The following CDH12 variants were observed in gnomAD, a reference collection of about 807,000 sequenced individuals.
The protein encoded by CDH12 is cadherin-12.
Under a neutral mutation model 74.1 loss-of-function variants are expected in CDH12, and 41 were observed. The ratio of observed to expected loss-of-function variants is 0.55; its 90% CI spans 0.43 to 0.72. The LOEUF (loss-of-function observed/expected upper bound fraction) is 0.72. Among genes scored for constraint, CDH12 ranks in the 30% least tolerant of loss-of-function variants. The pLI, the probability that CDH12 is intolerant of heterozygous loss-of-function variation, is 0.00. For synonymous variants in CDH12, 399 were observed against 355.0 expected (o/e 1.12, Z -1.39); for missense variants, 945 against 977.2 (o/e 0.97, Z 0.44).
Position 22,313,883 on chromosome 5 carries a change from G to A in CDH12, c.-333+91374C>T, listed in dbSNP as rs570606135. ...TAGGTACAATGCACACCACTCCAGTGACAGGTACACTATAATCTCAGATTT... is the reference window on the plus strand; with the variant it reads ...TAGGTACAATGCACACCACTCCAGTAACAGGTACACTATAATCTCAGATTT... On this transcript the variant is annotated intron_variant, in intron 3 of 14. Coordinates refer to ENST00000382254, the MANE Select transcript of CDH12 (RefSeq NM_004061.5). 5.6e-4 allele frequency among the ~76,000 whole-genome samples: 85 copies of A among 152,164 alleles called. 2 individuals are homozygous for A. Among genetic ancestry groups the A allele is most frequent in the African/African-American group, 1.9e-3 (79 of 41,528 alleles).
Position 22,570,502 on chromosome 5 carries a change from T to A in CDH12, c.-522-65138A>T, listed in dbSNP as rs111271146. Among the ~76,000 whole-genome samples, 1,112 of 152,194 alleles carry A rather than the reference T, an allele frequency of 7.3e-3. 11 individuals are homozygous for A. Among genetic ancestry groups the A allele is most frequent in the African/African-American group, 0.023 (961 of 41,520 alleles). ...CTCTTGGGTGACCAGATGCAATGTC[T>A]ATGAGCAGTAATATTTTGAAAAAAA... On this transcript the variant is annotated intron_variant, in intron 1 of 14. Transcript: ENST00000382254.
In CDH12 at chr5:21,924,299, C is replaced by T. The variant is rs551808433; in HGVS notation, c.526+50792G>A. On this transcript the variant is annotated intron_variant, in intron 6 of 14. Coordinates refer to ENST00000382254, the MANE Select transcript of CDH12 (RefSeq NM_004061.5). ...TCCCAGCACTTTCGAAGGCCGAGGC[C>T]GAGGTCAGGAGTTTGAGACCAGCTT... 9.2e-5 allele frequency among the ~76,000 whole-genome samples: 14 copies of T among 152,024 alleles called. No individual in the cohort carries two copies. In the East Asian group the frequency reaches 9.7e-4, roughly 11 times the overall value.
intron 2 of CDH12, among the ~76,000 whole-genome samples, chr5:22,484,865 A>G (rs144388770): frequency 3.7e-4 from 56 of 152,310 alleles, no homozygotes; most frequent in Admixed American, 1.4e-3. Flanking sequence ...ATAATAATAT[A>G]GTAGAACAAT....
At chr5:21,802,024 A>T in intron 10 of CDH12, 143 bp downstream of exon 10, 1 of 715,630 alleles carries the variant, frequency 1.4e-6, no homozygotes, top group Non-Finnish European at 2.3e-6. Context: ...CTCTATTCTT[A>T]TGTAAAGTCA....
intron 1 of CDH12, among the ~76,000 whole-genome samples, chr5:22,572,156 C>CA (rs1042115066): frequency 2.0e-5 from 3 of 151,212 alleles, no homozygotes; most frequent in Admixed American, 6.6e-5. Context: ...GGAGCTAACT[C>CA]AAAAAAAAGT....
intron 4 of CDH12, among the ~76,000 whole-genome samples, chr5:22,107,420 C>T (rs1003098013): frequency 1.3e-5 from 2 of 148,938 alleles, no homozygotes; most frequent in East Asian, 3.9e-4. Flanking sequence ...CGTGAGCCAC[C>T]GTGCTGGGCC....
chr5:21,821,608 T>G (rs1748374334), intron 8 of CDH12, among the ~76,000 whole-genome samples: 1 of 151,976 alleles, frequency 6.6e-6, no homozygotes, highest in Non-Finnish European at 1.5e-5. Context: ...TAATTCATAT[T>G]TAATAATACA....
intron 4 of CDH12, among the ~76,000 whole-genome samples, chr5:22,148,155 T>G (rs1747330227): frequency 6.6e-6 from 1 of 152,190 alleles, no homozygotes; most frequent in South Asian, 2.1e-4. Context: ...TTTTTTCCTG[T>G]GATGGGGATT....
At chr5:22,740,179 T>C (rs893526750) in intron 1 of CDH12, among the ~76,000 whole-genome samples, 1 of 152,046 alleles carries the variant, frequency 6.6e-6, no homozygotes, top group Non-Finnish European at 1.5e-5. Flanking sequence ...GTCTTACGTA[T>C]TTGGAAATTG....
chr5:22,027,578 CT>C (rs1268874804), intron 5 of CDH12, among the ~76,000 whole-genome samples: 3 of 152,272 alleles, frequency 2.0e-5, no homozygotes, highest in African/African-American at 7.2e-5. Flanking sequence ...TCCATTTCTT[CT>C]AGATTTTCTA....
At chr5:22,159,007 G>A (rs1202155775) in intron 4 of CDH12, among the ~76,000 whole-genome samples, 1 of 152,092 alleles carries the variant, frequency 6.6e-6, no homozygotes, top group East Asian at 1.9e-4. Flanking sequence ...CAGTTAAATT[G>A]TTGGCATCGG....
intron 2 of CDH12, among the ~76,000 whole-genome samples, chr5:22,484,091 GAA>G (rs952813531): frequency 1.1e-4 from 17 of 151,750 alleles, no homozygotes; most frequent in Admixed American, 6.6e-5. Context: ...AAGTCACAAA[GAA>G]AATATTGATA....
At chr5:22,685,300 CGG>C (rs1406795874) in intron 1 of CDH12, among the ~76,000 whole-genome samples, 5 of 151,894 alleles carry the variant, frequency 3.3e-5, no homozygotes, top group African/African-American at 1.2e-4. Context: ...TTCAGTGGTG[CGG>C]TCTTGGCTCA....
intron 5 of CDH12, among the ~76,000 whole-genome samples, chr5:21,981,080 T>C (rs553877551): frequency 2.4e-4 from 37 of 152,234 alleles, no homozygotes; most frequent in African/African-American, 8.9e-4. Flanking sequence ...ATATATAAAA[T>C]TGGCTAAATG....
At chr5:22,384,968 T>A (rs1205153168) in intron 3 of CDH12, among the ~76,000 whole-genome samples, 1 of 152,194 alleles carries the variant, frequency 6.6e-6, no homozygotes, top group Non-Finnish European at 1.5e-5. Flanking sequence ...TATGATTTGT[T>A]ACAAAATAAA....
intron 1 of CDH12, among the ~76,000 whole-genome samples, chr5:22,596,026 C>T (rs1038997655): frequency 6.6e-5 from 10 of 151,130 alleles, no homozygotes; most frequent in East Asian, 1.9e-4. Context: ...GAGAATGGCA[C>T]GAACCCAGGA....
chr5:22,002,379 TC>T (rs1736655674), intron 5 of CDH12, among the ~76,000 whole-genome samples: 1 of 152,092 alleles, frequency 6.6e-6, no homozygotes, highest in South Asian at 2.1e-4. Flanking sequence ...AGGTAACTGT[TC>T]TATATACTAT....
chr5:21,872,002 A>G (rs1751650488), intron 6 of CDH12, among the ~76,000 whole-genome samples: 1 of 152,220 alleles, frequency 6.6e-6, no homozygotes, highest in Admixed American at 6.5e-5. Context: ...AAAGAATTAT[A>G]CATTTGTTAA....
chr5:22,280,025 C>A (rs1194425444), intron 3 of CDH12, among the ~76,000 whole-genome samples: 4 of 152,150 alleles, frequency 2.6e-5, no homozygotes, highest in East Asian at 3.9e-4. Context: ...TCTCCACATC[C>A]TCTCCAGCAC....
Sources: allele counts gnomAD v4.1 joint callset (sites outside exome capture counted in the v4.1 genomes callset), GRCh38; gene constraint gnomAD v4.1.1; transcripts MANE v1.5; gene names NCBI Gene and HGNC (gene_info 2026-07-23, HGNC 2026-07-21).